The following PIK3R3 variants were observed in gnomAD, a reference collection of about 807,000 sequenced individuals.
PIK3R3 encodes phosphatidylinositol 3-kinase regulatory subunit gamma.
A neutral mutation model predicts 62.9 loss-of-function variants in PIK3R3; 64 were observed. That is an observed-to-expected ratio of 1.02 (90% CI 0.83 to 1.25). The LOEUF is 1.25. PIK3R3 is among the 50% of genes most tolerant of loss of function. The pLI, the probability that PIK3R3 is intolerant of heterozygous loss-of-function variation, is 0.00. For synonymous variants in PIK3R3, 165 were observed against 189.0 expected, an observed-to-expected ratio of 0.87 and a Z score of 1.04; for missense variants, 614 against 561.6, an observed-to-expected ratio of 1.09 and a Z score of -0.94.
At chr1:46,131,481 A>G (rs1223273814) in intron 1 of PIK3R3, among the ~76,000 whole-genome samples, 1 of 152,254 alleles carries the variant, frequency 6.6e-6, no homozygotes, top group Admixed American at 6.5e-5. Context: ...GATATAAAAC[A>G]TCCTTTGCAG....
chr1:46,153,387 C>T, the PIK3R3 span, among the ~76,000 whole-genome samples: 1 of 152,200 alleles, frequency 6.6e-6, no homozygotes, highest in Non-Finnish European at 1.5e-5. Flanking sequence ...AGTCATCTTG[C>T]CAGCATACTA....
chr1:46,159,892 G>A, the PIK3R3 span, among the ~76,000 whole-genome samples: 1 of 152,104 alleles, frequency 6.6e-6, no homozygotes, highest in Non-Finnish European at 1.5e-5. Context: ...GCTATGCCGT[G>A]TTGTTTTTTA....
chr1:46,081,307 C>A (rs1234449242), intron 1 of PIK3R3, among the ~76,000 whole-genome samples: 1 of 152,162 alleles, frequency 6.6e-6, no homozygotes, highest in African/African-American at 2.4e-5. Flanking sequence ...TGTCTATACA[C>A]AGAATACATA....
At chr1:46,076,147 G>A (rs1353380765) in intron 3 of PIK3R3, among the ~76,000 whole-genome samples, 2 of 152,140 alleles carry the variant, frequency 1.3e-5, no homozygotes, top group Non-Finnish European at 2.9e-5. Flanking sequence ...CCAAAATAAT[G>A]CTTTACCAGT....
Position 46,043,524 on chromosome 1 carries a change from C to CCGGCTGCTGCT in PIK3R3, c.*138_*148dup. On this transcript the variant is annotated 3_prime_UTR_variant, in exon 10 of 10. Coordinates refer to ENST00000262741, the MANE Select transcript of PIK3R3 (RefSeq NM_003629.4). ...CAGGCCTCTAATGCCCCCATCCCGG[C>CCGGCTGCTGCT]CGGCTGCTGCTCGGCCTCTCCACTT... 1 of 675,268 alleles carries CCGGCTGCTGCT rather than the reference C, an allele frequency of 1.5e-6. No homozygotes were observed. The allele number at this position is 675,268 out of a possible 1,614,324, so 41.8% of individuals were successfully genotyped here. A position where few individuals can be genotyped will look rare whatever the true frequency, so the allele number is the denominator to read the frequency against.
At chr1:46,104,292 T>C (rs890488348) in intron 1 of PIK3R3, among the ~76,000 whole-genome samples, 1 of 152,232 alleles carries the variant, frequency 6.6e-6, no homozygotes, top group Non-Finnish European at 1.5e-5. Flanking sequence ...ATTGTTCTGG[T>C]AGATTTTTTA....
At position 46,101,980 on chromosome 1, in the gene PIK3R3, CTTTTTTTTT is replaced by C. The variant is rs538688681; in HGVS notation, c.107-21239_107-21231del. Among the ~76,000 whole-genome samples the C allele has an allele frequency of 1.6e-4, 14 of 89,942 alleles. No homozygotes were observed. The East Asian group carries it at 4.2e-3, about 27-fold the overall frequency. 59.0% of individuals were successfully genotyped at this position (89,942 alleles called of 152,430 possible). On this transcript the variant is annotated intron_variant, in intron 1 of 9. Coordinates refer to ENST00000262741, the MANE Select transcript of PIK3R3 (RefSeq NM_003629.4). The stretch of plus-strand genomic sequence containing the variant: ...ATGTATCAAAACATTGAATTGTATA[CTTTTTTTTT>C]TTTTTTTTTTTTTTTGAGACGGAGT...
At chr1:46,173,816 C>G in the PIK3R3 span, among the ~76,000 whole-genome samples, 1 of 152,184 alleles carries the variant, frequency 6.6e-6, no homozygotes, top group Non-Finnish European at 1.5e-5. Context: ...CACAAACACA[C>G]ACTCTCACAG....
chr1:46,050,058 T>C (rs1264874826), intron 7 of PIK3R3, among the ~76,000 whole-genome samples: 1 of 148,372 alleles, frequency 6.7e-6, no homozygotes, highest in Non-Finnish European at 1.5e-5. Context: ...GAGGCAGAGG[T>C]TGCAGTGAGC....
rs778602709 is a variant in PIK3R3, at chr1:46,067,105, GACA to G, written c.315-17_315-15del. 9.9e-6 allele frequency: 15 copies of G among 1,518,878 alleles called. No homozygotes were observed. The East Asian group carries it at 3.1e-4, about 32-fold the overall frequency. The allele number at this position is 1,518,878 out of a possible 1,614,324, so 94.1% of individuals were successfully genotyped here. A position where few individuals can be genotyped will look rare whatever the true frequency, so the allele number is the denominator to read the frequency against. ...TTGCCTCCCTTCCTGTGAACAACAAGACAACAACTGTGGATTTTTTTCCCCCAA... is the reference window on the plus strand; with the variant it reads ...TTGCCTCCCTTCCTGTGAACAACAAGACAACTGTGGATTTTTTTCCCCCAA... On this transcript the variant is annotated splice_polypyrimidine_tract_variant and intron_variant, in intron 3 of 9. Coordinates refer to ENST00000262741, the MANE Select transcript of PIK3R3 (RefSeq NM_003629.4).
intron 1 of PIK3R3, among the ~76,000 whole-genome samples, chr1:46,088,533 T>C (rs752688107): frequency 4.6e-5 from 7 of 152,114 alleles, no homozygotes; most frequent in Non-Finnish European, 7.4e-5. Context: ...ATTAAAATTA[T>C]GCTAGAAAAA....
At chr1:46,046,168 A>G in intron 8 of PIK3R3, 80 bp from the exon 9 acceptor site, 1 of 862,146 alleles carries the variant, frequency 1.2e-6, no homozygotes, top group Non-Finnish European at 1.8e-6. Flanking sequence ...CACTCTTCTA[A>G]ATCTTTAAAC....
the PIK3R3 span, among the ~76,000 whole-genome samples, chr1:46,166,063 C>T: frequency 1.3e-5 from 2 of 151,652 alleles, no homozygotes; most frequent in Admixed American, 6.6e-5. Flanking sequence ...CGTGAGCCAC[C>T]GTGCCCGGCC....
chr1:46,098,065 T>C (rs538428135), intron 1 of PIK3R3, among the ~76,000 whole-genome samples: 2 of 152,018 alleles, frequency 1.3e-5, no homozygotes, highest in Non-Finnish European at 2.9e-5. Context: ...ATACAAGGAA[T>C]ATGCAAAAAT....
intron 1 of PIK3R3, among the ~76,000 whole-genome samples, chr1:46,099,313 C>T (rs1652437587): frequency 6.6e-6 from 1 of 152,104 alleles, no homozygotes; most frequent in East Asian, 1.9e-4. Context: ...CTTACTTCAA[C>T]CTAGTACAAT....
the PIK3R3 span, among the ~76,000 whole-genome samples, chr1:46,140,647 G>A: frequency 6.6e-6 from 1 of 151,946 alleles, no homozygotes; most frequent in Non-Finnish European, 1.5e-5. Context: ...CAGTAATAGA[G>A]ATTGGAGTGA....
intron 2 of PIK3R3, 119 bp downstream of exon 2, chr1:46,080,523 G>T (rs1650479871): frequency 4.2e-6 from 3 of 706,218 alleles, no homozygotes; most frequent in Middle Eastern, 2.5e-4. Flanking sequence ...AGCCTCCTGA[G>T]TTGCTGGGAT....
At chr1:46,071,369 G>GCT (rs1449017198) in intron 3 of PIK3R3, among the ~76,000 whole-genome samples, 1 of 151,906 alleles carries the variant, frequency 6.6e-6, no homozygotes, top group African/African-American at 2.4e-5. Context: ...CTATATCCTA[G>GCT]ATACATTTTT....
At chr1:46,105,111 T>C (rs951313597) in intron 1 of PIK3R3, 4 of 727,562 alleles carry the variant, frequency 5.5e-6, no homozygotes, top group East Asian at 2.5e-5. Context: ...GCAACTCAAA[T>C]TGGAATAGAA....
Sources: gnomAD v4.1 joint callset for allele counts (sites outside exome capture counted in the v4.1 genomes callset) on GRCh38, gnomAD v4.1.1 for gene constraint, MANE v1.5 for transcripts, NCBI Gene and HGNC (gene_info 2026-07-23, HGNC 2026-07-21) for gene names.